Variants in LARGE1 observed in about 807,000 individuals in gnomAD.
The protein encoded by LARGE1 is LARGE xylosyl- and glucuronyltransferase 1.
Under a neutral mutation model 87.6 loss-of-function variants are expected in LARGE1, and 43 were observed. That is an observed-to-expected ratio of 0.49 (90% CI 0.38 to 0.63). The LOEUF is 0.63. Among genes scored for constraint, LARGE1 ranks in the 30% least tolerant of loss-of-function variants. The probability of loss-of-function intolerance (pLI) is 0.00; values close to 1 mark genes in which losing one functional copy is unlikely to be tolerated. For synonymous variants in LARGE1, 434 were observed against 394.6 expected (o/e 1.10, Z -1.18); for missense variants, 802 against 1,000.2 (o/e 0.80, Z 2.67).
At chr22:33,272,323 T>C (rs1423716544), downstream of LARGE1, among the ~76,000 whole-genome samples, 1 of 152,188 alleles carries the variant, frequency 6.6e-6, no homozygotes, top group Non-Finnish European at 1.5e-5. Flanking sequence ...CTGTGTGTGC[T>C]TGTGTGTACA....
chr22:33,832,312 A>G (rs1255847309), intron 1 of LARGE1, among the ~76,000 whole-genome samples: 2 of 152,186 alleles, frequency 1.3e-5, no homozygotes, highest in Non-Finnish European at 2.9e-5. Context: ...AGTCCCAGAC[A>G]GCAAAGCCCA....
intron 6 of LARGE1, among the ~76,000 whole-genome samples, chr22:33,505,503 T>C (rs936703422): frequency 1.3e-5 from 2 of 152,214 alleles, no homozygotes; most frequent in Admixed American, 6.5e-5. Context: ...GGGCCCATTA[T>C]AGATGCCTCA....
chr22:33,741,270 C>T (rs2083870512), intron 2 of LARGE1, among the ~76,000 whole-genome samples: 2 of 152,174 alleles, frequency 1.3e-5, no homozygotes, highest in Non-Finnish European at 1.5e-5. Context: ...CATGCAATAA[C>T]AAGCTCCCTT....
intron 6 of LARGE1, among the ~76,000 whole-genome samples, chr22:33,530,150 G>C (rs1442016280): frequency 6.6e-6 from 1 of 152,232 alleles, no homozygotes; most frequent in Admixed American, 6.5e-5. Flanking sequence ...AGGGATTTTA[G>C]CTTTGCTCTT....
chr22:33,069,809 T>G, the LARGE1 span, among the ~76,000 whole-genome samples: 1 of 145,632 alleles, frequency 6.9e-6, no homozygotes, highest in African/African-American at 2.5e-5. Flanking sequence ...ATGACTGTTA[T>G]TACATTCTTT....
chr22:33,818,115 C>G (rs2086711636), intron 1 of LARGE1, among the ~76,000 whole-genome samples: 1 of 152,164 alleles, frequency 6.6e-6, no homozygotes, highest in Admixed American at 6.5e-5. Flanking sequence ...CATGTCTCCA[C>G]CCTTGGATTA....
chr22:33,262,776 C>T (rs1214053936), intron 11 of LARGE1, among the ~76,000 whole-genome samples: 1 of 150,424 alleles, frequency 6.6e-6, no homozygotes, highest in East Asian at 2.0e-4. Flanking sequence ...CCCTTTCCTT[C>T]CTTCCTTCCC....
chr22:33,548,757 C>T (rs560962317), intron 6 of LARGE1, among the ~76,000 whole-genome samples: 2 of 152,302 alleles, frequency 1.3e-5, no homozygotes, highest in African/African-American at 4.8e-5. Context: ...CTAATACAGG[C>T]TCCCTTTGTT....
chr22:33,621,455 A>ATGG, intron 4 of LARGE1, among the ~76,000 whole-genome samples: 1 of 151,808 alleles, frequency 6.6e-6, no homozygotes, highest in East Asian at 1.9e-4. Flanking sequence ...AACTGATTTG[A>ATGG]TGTAATGAAG....
In LARGE1 at chr22:33,785,002, CATAT is replaced by C. The variant is rs981642629; in HGVS notation, c.-82-23448_-82-23445del. On this transcript the variant is annotated intron_variant, in intron 1 of 14. Coordinates refer to ENST00000397394, the MANE Select transcript of LARGE1 (RefSeq NM_133642.5). ...ACATACATATGTGTACGTGTATATA[CATAT>C]ATGTGTATACATACATATGTGTATA... 4.7e-5 allele frequency among the ~76,000 whole-genome samples: 7 copies of C among 149,030 alleles called. No homozygotes were observed. The East Asian group carries it at 6.0e-4, about 13-fold the overall frequency.
At chr22:33,608,553 C>T (rs1227000579) in intron 4 of LARGE1, among the ~76,000 whole-genome samples, 2 of 152,216 alleles carry the variant, frequency 1.3e-5, no homozygotes, top group Non-Finnish European at 2.9e-5. Context: ...TGTGAGACCA[C>T]AGACGACAGA....
the LARGE1 span, among the ~76,000 whole-genome samples, chr22:33,116,656 C>T: frequency 6.6e-6 from 1 of 152,198 alleles, no homozygotes; most frequent in Admixed American, 6.5e-5. Flanking sequence ...AGCCACCGCG[C>T]CCAGCTCCCT....
chr22:33,680,399 T>C lies in LARGE1; in HGVS notation c.107-29731A>G, dbSNP rs187615637. On this transcript the variant is annotated intron_variant, in intron 2 of 14. Coordinates refer to ENST00000397394, the MANE Select transcript of LARGE1 (RefSeq NM_133642.5). ...CAGGCTTTATTTTTACAATAACTAC[T>C]GACAGAGAGCAGATCTCACTCTATC... 6.7e-5 allele frequency among the ~76,000 whole-genome samples: 10 copies of C among 148,860 alleles called. No homozygotes were observed. In the East Asian group the frequency reaches 1.2e-3, roughly 17 times the overall value.
At chr22:33,747,116 T>G (rs186673931) in intron 2 of LARGE1, among the ~76,000 whole-genome samples, 18 of 152,276 alleles carry the variant, frequency 1.2e-4, no homozygotes, top group Non-Finnish European at 2.1e-4. Context: ...GGTGACCTCC[T>G]TATAGGCAAG....
At chr22:33,794,263 G>C (rs2085913896) in intron 1 of LARGE1, among the ~76,000 whole-genome samples, 2 of 152,144 alleles carry the variant, frequency 1.3e-5, no homozygotes, top group Admixed American at 1.3e-4. Flanking sequence ...CACAAAAGAT[G>C]GTGTCTGAGT....
At chr22:33,790,856 C>T (rs913732186) in intron 1 of LARGE1, among the ~76,000 whole-genome samples, 5 of 152,198 alleles carry the variant, frequency 3.3e-5, no homozygotes, top group African/African-American at 9.7e-5. Context: ...TTTGTTTTCA[C>T]AGCAATACAT....
chr22:33,511,905 G>A (rs2071074185), intron 6 of LARGE1, among the ~76,000 whole-genome samples: 1 of 152,204 alleles, frequency 6.6e-6, no homozygotes, highest in Non-Finnish European at 1.5e-5. Flanking sequence ...ACAAGTGGAT[G>A]GGACTGTAGC....
chr22:33,517,945 AAGG>A (rs1482543973), intron 6 of LARGE1, among the ~76,000 whole-genome samples: 2 of 152,180 alleles, frequency 1.3e-5, no homozygotes, highest in African/African-American at 4.8e-5. Context: ...TGAAGATTAT[AAGG>A]AGAACTGGGT....
At chr22:33,633,422 T>C (rs1488997125) in intron 3 of LARGE1, among the ~76,000 whole-genome samples, 5 of 152,140 alleles carry the variant, frequency 3.3e-5, no homozygotes, top group African/African-American at 1.2e-4. Context: ...ACCTGAAACA[T>C]AAAGTTCTCC....
Sources: allele counts gnomAD v4.1 joint callset (sites outside exome capture counted in the v4.1 genomes callset), GRCh38; gene constraint gnomAD v4.1.1; transcripts MANE v1.5; gene names NCBI Gene and HGNC (gene_info 2026-07-23, HGNC 2026-07-21).